ANTXR1: variants seen among roughly 807,000 people sequenced by gnomAD.
ANTXR1 encodes anthrax toxin receptor 1.
In ANTXR1, 19 loss-of-function variants were observed where a neutral mutation model predicts 78.1. The observed-to-expected ratio is 0.24, with a 90% CI of 0.17 to 0.36. The LOEUF is 0.36. ANTXR1 is among the 10% of genes least tolerant of loss of function. ANTXR1 has a pLI of 1.00. For synonymous variants in ANTXR1, 273 were observed against 260.5 expected, an observed-to-expected ratio of 1.05 and a Z score of -0.46; for missense variants, 518 against 718.6, an observed-to-expected ratio of 0.72 and a Z score of 3.19.
chr2:69,146,514 A>C (rs377666341), intron 12 of ANTXR1: 2 of 488,986 alleles, frequency 4.1e-6, no homozygotes, highest in Non-Finnish European at 2.7e-6. Flanking sequence ...GGTGAACTAC[A>C]TGCAGGGGCT....
At chr2:69,030,055 A>T (rs962446336) in intron 1 of ANTXR1, among the ~76,000 whole-genome samples, 3 of 152,232 alleles carry the variant, frequency 2.0e-5, no homozygotes, top group African/African-American at 7.2e-5. Flanking sequence ...CCTTCTGGGT[A>T]GCAAGAGGGA....
intron 17 of ANTXR1, among the ~76,000 whole-genome samples, chr2:69,195,179 A>AAAG (rs1674641539): frequency 6.8e-6 from 1 of 146,620 alleles, no homozygotes; most frequent in African/African-American, 2.7e-5. Context: ...AAAAAAAGAA[A>AAAG]AAAGAAAAAG....
intron 13 of ANTXR1, among the ~76,000 whole-genome samples, chr2:69,159,698 T>G (rs1401124624): frequency 6.6e-6 from 1 of 152,168 alleles, no homozygotes; most frequent in Non-Finnish European, 1.5e-5. Flanking sequence ...CATTCAGAAT[T>G]TTTTCCTATA....
At chr2:69,222,624 G>A (rs1675346538) in intron 17 of ANTXR1, among the ~76,000 whole-genome samples, 1 of 152,242 alleles carries the variant, frequency 6.6e-6, no homozygotes, top group African/African-American at 2.4e-5. Context: ...GGCTGGGGGT[G>A]ACCCTGGAGT....
chr2:69,124,048 G>A (rs1267076565), intron 11 of ANTXR1, among the ~76,000 whole-genome samples: 2 of 152,166 alleles, frequency 1.3e-5, no homozygotes, highest in Admixed American at 6.5e-5. Context: ...AGTTTCCAGC[G>A]AGTGTCTTAG....
At chr2:69,217,156 C>T (rs935127414) in intron 17 of ANTXR1, among the ~76,000 whole-genome samples, 2 of 152,196 alleles carry the variant, frequency 1.3e-5, no homozygotes, top group Non-Finnish European at 2.9e-5. Flanking sequence ...GTCTTTGGAA[C>T]TTATAAGCCA....
In ANTXR1 at chr2:69,043,344, A is replaced by T. The variant is rs1035931747; in HGVS notation, c.225-1398A>T. 2.0e-5 allele frequency among the ~76,000 whole-genome samples: 3 copies of T among 152,204 alleles called. No individual in the cohort carries two copies. In the East Asian group the frequency reaches 5.8e-4, roughly 29 times the overall value. ...GGTACCAGTCTCATACAGTTGTTCA[A>T]GTATAATGAGATCATACGTGCAAAT... On this transcript the variant is annotated intron_variant, in intron 2 of 17. Transcript: ENST00000303714.
At chr2:69,128,683 T>C (rs891336647) in intron 12 of ANTXR1, among the ~76,000 whole-genome samples, 21 of 152,034 alleles carry the variant, frequency 1.4e-4, no homozygotes, top group African/African-American at 4.6e-4. Flanking sequence ...TTGGGCAAAA[T>C]AGAGATGCAG....
chr2:69,080,202 C>T (rs559850808), intron 8 of ANTXR1, among the ~76,000 whole-genome samples: 2 of 152,294 alleles, frequency 1.3e-5, no homozygotes, highest in African/African-American at 4.8e-5. Flanking sequence ...GAAACAGGGA[C>T]AAGTAGAGCG....
intron 16 of ANTXR1, among the ~76,000 whole-genome samples, chr2:69,192,828 A>G (rs1356989407): frequency 6.6e-6 from 1 of 152,198 alleles, no homozygotes; most frequent in Non-Finnish European, 1.5e-5. Context: ...AGCAAGTTAT[A>G]GCTGCTGAGC....
At chr2:69,090,254 C>G (rs1338461247) in intron 8 of ANTXR1, among the ~76,000 whole-genome samples, 1 of 151,722 alleles carries the variant, frequency 6.6e-6, no homozygotes, top group African/African-American at 2.4e-5. Flanking sequence ...TAGTATCACT[C>G]TCTTATTTCT....
chr2:69,086,073 C>T (rs911892644), intron 8 of ANTXR1, among the ~76,000 whole-genome samples: 9 of 152,158 alleles, frequency 5.9e-5, no homozygotes, highest in African/African-American at 1.9e-4. Flanking sequence ...CCTATACCAT[C>T]AAGGGATAAA....
intron 17 of ANTXR1, among the ~76,000 whole-genome samples, chr2:69,207,408 A>G (rs1054086719): frequency 6.6e-6 from 1 of 152,174 alleles, no homozygotes; most frequent in African/African-American, 2.4e-5. Flanking sequence ...AGAAATACCA[A>G]CATTAGAATG....
At chr2:69,032,386 C>T (rs763644724) in intron 1 of ANTXR1, among the ~76,000 whole-genome samples, 3 of 152,178 alleles carry the variant, frequency 2.0e-5, no homozygotes, top group East Asian at 1.9e-4. Flanking sequence ...ACCCACCCCC[C>T]CAAAATTTCC....
At chr2:69,115,611 T>C (rs55746564) in intron 10 of ANTXR1, among the ~76,000 whole-genome samples, 2 of 152,004 alleles carry the variant, frequency 1.3e-5, no homozygotes, top group Non-Finnish European at 2.9e-5. Context: ...AGGCTCTTAG[T>C]GTTCTCCATT....
intron 3 of ANTXR1, among the ~76,000 whole-genome samples, 169 bp downstream of exon 3, chr2:69,044,982 T>C (rs1267122212): frequency 3.3e-5 from 5 of 152,188 alleles, no homozygotes; most frequent in Non-Finnish European, 4.4e-5. Context: ...CTGCTGCTAG[T>C]TCACTCTTCA....
intron 9 of ANTXR1, among the ~76,000 whole-genome samples, chr2:69,095,643 C>G (rs1162576446): frequency 6.6e-6 from 1 of 152,166 alleles, no homozygotes; most frequent in African/African-American, 2.4e-5. Context: ...TTCAGTGAGG[C>G]AGATTTTGGC....
chr2:69,130,885 C>G (rs575296418), intron 12 of ANTXR1, among the ~76,000 whole-genome samples: 9 of 152,186 alleles, frequency 5.9e-5, no homozygotes, highest in African/African-American at 2.2e-4. Context: ...CACAAGATAA[C>G]TAGGAAGAAA....
chr2:69,236,609 T>A (rs1387543544), intron 17 of ANTXR1, among the ~76,000 whole-genome samples: 1 of 152,230 alleles, frequency 6.6e-6, no homozygotes, highest in Non-Finnish European at 1.5e-5. Flanking sequence ...AAAATGTGCA[T>A]AAACTTTGAC....
Sources: allele counts gnomAD v4.1 joint callset (sites outside exome capture counted in the v4.1 genomes callset), GRCh38; gene constraint gnomAD v4.1.1; transcripts MANE v1.5; gene names NCBI Gene and HGNC (gene_info 2026-07-23, HGNC 2026-07-21).